ASB14: variants seen among roughly 807,000 people sequenced by gnomAD.
The protein encoded by ASB14 is ankyrin repeat and SOCS box containing 14, also known as ankyrin repeat and SOCS box protein 14.
Under a neutral mutation model 55.6 loss-of-function variants are expected in ASB14, and 63 were observed. The observed-to-expected ratio is 1.13, with a 90% CI of 0.92 to 1.40. The LOEUF (loss-of-function observed/expected upper bound fraction) is 1.40, where lower values mean the gene tolerates loss of function less well. Among genes scored for constraint, ASB14 ranks in the 40% most tolerant of loss-of-function variants. The probability of loss-of-function intolerance (pLI) is 0.00; values close to 1 mark genes in which losing one functional copy is unlikely to be tolerated. For synonymous variants in ASB14, 256 were observed against 259.9 expected, an observed-to-expected ratio of 0.98 and a Z score of 0.15; for missense variants, 724 against 710.4, an observed-to-expected ratio of 1.02 and a Z score of -0.22.
intron 6 of ASB14, among the ~76,000 whole-genome samples, chr3:57,281,844 T>C (rs1477113174): frequency 6.6e-6 from 1 of 152,072 alleles, no homozygotes; most frequent in Non-Finnish European, 1.5e-5. Flanking sequence ...CAATGCAGGG[T>C]GATAATGTGA....
chr3:57,287,841 C>A, intron 5 of ASB14, 60 bp downstream of exon 5: 1 of 1,502,186 alleles, frequency 6.7e-7, no homozygotes, highest in African/African-American at 1.4e-5. Context: ...CCTTTGAAAC[C>A]TGGGGGCATG....
At chr3:57,284,618 G>A (rs1050672427) in intron 5 of ASB14, among the ~76,000 whole-genome samples, 2 of 152,224 alleles carry the variant, frequency 1.3e-5, no homozygotes, top group African/African-American at 4.8e-5. Context: ...CTGAAGTGAA[G>A]AGAGGAAAAC....
At position 57,268,547 on chromosome 3, in the gene ASB14, A is replaced by ATGAC; in HGVS notation, c.*1090_*1093dup. On this transcript the variant is annotated 3_prime_UTR_variant, in exon 11 of 11. Transcript: ENST00000487349. Reference sequence around the variant, plus strand: ...GTTTGTGAAGACTTAATTCAGCACTATGACTTTCAGATTTGAATTTCCAAA... The same window carrying ATGAC: ...GTTTGTGAAGACTTAATTCAGCACTATGACTGACTTTCAGATTTGAATTTCCAAA... 1 of 1,481,434 alleles carries ATGAC rather than the reference A, an allele frequency of 6.8e-7. No individual in the cohort carries two copies. Among genetic ancestry groups the ATGAC allele is most frequent in the Non-Finnish European group, 9.0e-7 (1 of 1,115,864 alleles). The allele number at this position is 1,481,434 out of a possible 1,614,324, so 91.8% of individuals were successfully genotyped here. A position where few individuals can be genotyped will look rare whatever the true frequency, so the allele number is the denominator to read the frequency against.
chr3:57,283,882 ATGAC>A (rs2061058222), intron 5 of ASB14, among the ~76,000 whole-genome samples: 2 of 152,082 alleles, frequency 1.3e-5, no homozygotes, highest in Non-Finnish European at 2.9e-5. Flanking sequence ...CAGAAAATGA[ATGAC>A]TAAAACACAA....
chr3:57,279,275 T>A (rs866130042), intron 7 of ASB14, among the ~76,000 whole-genome samples: 18,849 of 138,424 alleles, frequency 0.14, 1,762 homozygotes, highest in East Asian at 0.47. Context: ...TTTTTTTTTT[T>A]TTTTTTTTTT....
Position 57,268,589 on chromosome 3 carries a change from C to T in ASB14, c.*1052G>A. The T allele has an allele frequency of 2.3e-6, 3 of 1,333,316 alleles. No homozygotes were observed. Among genetic ancestry groups the T allele is most frequent in the Non-Finnish European group, 3.0e-6 (3 of 1,004,976 alleles). 82.6% of individuals were successfully genotyped at this position (1,333,316 alleles called of 1,614,324 possible). On this transcript the variant is annotated 3_prime_UTR_variant, in exon 11 of 11. Transcript: ENST00000487349. Reference sequence around the variant, plus strand: ...ATTTCCAAATGAAGGGCTGTTTCTGCTTGTTCAGCCACTTCATAAACAGAT... The same window carrying T: ...ATTTCCAAATGAAGGGCTGTTTCTGTTTGTTCAGCCACTTCATAAACAGAT...
intron 9 of ASB14, among the ~76,000 whole-genome samples, chr3:57,277,181 C>T (rs1234618802): frequency 6.6e-6 from 1 of 150,570 alleles, no homozygotes; most frequent in African/African-American, 2.4e-5. Context: ...GCAGGAGAAT[C>T]GCTTGAACCC....
intron 5 of ASB14, among the ~76,000 whole-genome samples, chr3:57,284,122 G>A (rs968437868): frequency 4.6e-5 from 7 of 150,824 alleles, no homozygotes; most frequent in African/African-American, 1.7e-4. Flanking sequence ...GTGTGTGTGT[G>A]TGTATGTATG....
intron 10 of ASB14, chr3:57,270,335 CTTCAGTTCAAGAT>C (rs1025162571): frequency 4.6e-5 from 7 of 152,618 alleles, no homozygotes; most frequent in African/African-American, 1.7e-4. Flanking sequence ...GCTTAAGTGT[CTTCAGTTCAAGAT>C]TGATAGAGCC....
At chr3:57,281,997 G>T (rs1394216243) in intron 6 of ASB14, among the ~76,000 whole-genome samples, 1 of 152,128 alleles carries the variant, frequency 6.6e-6, no homozygotes, top group Non-Finnish European at 1.5e-5. Context: ...CAGGGTAAAG[G>T]ATTTAACATC....
rs1395590185 is a variant in ASB14, at chr3:57,291,971, T to C, written c.63A>G (p.Gln21=). 2.6e-6 allele frequency: 4 copies of C among 1,536,170 alleles called. No homozygotes were observed. The highest frequency in any genetic ancestry group is 1.4e-5 in the African/African-American group (1 of 73,026). Reference sequence around the variant, plus strand: ...GCTTATAAATATCCTGCAAACTCTGTTGAATGATGAGCTGGGTGTCAAAGT... The same window carrying C: ...GCTTATAAATATCCTGCAAACTCTGCTGAATGATGAGCTGGGTGTCAAAGT... ...DEDFDTQLII[Q]QSLQDIYKPG... is the part of the protein sequence containing the mutation. Residue 21 remains glutamine, a synonymous_variant, in exon 2 of 11, where the codon CAA becomes CAG. Transcript: ENST00000487349.
rs563536318 is a variant in ASB14 at position 57,276,469 on chromosome 3, G to A, written c.*22+59C>T. ...ATTGAGATTTTAGTTGGTGGGTAAA[G>A]CAAAAAATATGAATCATACATAAGT... On this transcript the variant is annotated intron_variant, in intron 10 of 10. Coordinates refer to ENST00000487349, the MANE Select transcript of ASB14 (RefSeq NM_001142733.3). 49 of 1,321,086 alleles carry A rather than the reference G, an allele frequency of 3.7e-5. No homozygotes were observed. The Middle Eastern group carries it at 6.4e-4, about 17-fold the overall frequency. 81.8% of individuals were successfully genotyped at this position (1,321,086 alleles called of 1,614,324 possible). A position where few individuals can be genotyped will look rare whatever the true frequency, so the allele number is the denominator to read the frequency against.
rs1212155985 is a variant in ASB14, at chr3:57,273,710, A to C, written c.*22+2818T>G. Reference sequence around the variant, plus strand: ...AAAAAGACTTCATTAATTGACGTATACTTGCTACTGTTTGGTCCTACTTAC... The same window carrying C: ...AAAAAGACTTCATTAATTGACGTATCCTTGCTACTGTTTGGTCCTACTTAC... On this transcript the variant is annotated intron_variant, in intron 10 of 10. Transcript: ENST00000487349. Among the ~76,000 whole-genome samples, 6 of 152,300 alleles carry C rather than the reference A, an allele frequency of 3.9e-5. No individual in the cohort carries two copies. In the East Asian group the frequency reaches 1.2e-3, roughly 29 times the overall value.
At position 57,268,961 on chromosome 3, in the gene ASB14, T is replaced by C. The variant is rs2060915127; in HGVS notation, c.*680A>G. ...AAAACTTGAAGAATGCATTAAATGATCCATGAAATTGTAAGAGCGTGTTAT... is the reference window on the plus strand; with the variant it reads ...AAAACTTGAAGAATGCATTAAATGACCCATGAAATTGTAAGAGCGTGTTAT... On this transcript the variant is annotated 3_prime_UTR_variant, in exon 11 of 11. Coordinates refer to ENST00000487349, the MANE Select transcript of ASB14 (RefSeq NM_001142733.3). 1 of 152,958 alleles carries C rather than the reference T, an allele frequency of 6.5e-6. No homozygotes were observed. The allele number at this position is 152,958 out of a possible 1,614,324, so 9.5% of individuals were successfully genotyped here.
intron 7 of ASB14, among the ~76,000 whole-genome samples, chr3:57,279,941 A>C (rs1374234313): frequency 6.6e-6 from 1 of 152,004 alleles, no homozygotes; most frequent in Admixed American, 6.6e-5. Context: ...TTAATTACTC[A>C]CACGATGTGC....
chr3:57,272,359 G>T (rs1178043211), intron 10 of ASB14: 1 of 152,062 alleles, frequency 6.6e-6, no homozygotes, highest in Non-Finnish European at 1.5e-5. Flanking sequence ...AATGATTATT[G>T]TTTAATTTCA....
chr3:57,283,536 C>T (rs2061055468), intron 5 of ASB14, 97 bp from the exon 6 acceptor site: 1 of 1,235,558 alleles, frequency 8.1e-7, no homozygotes, highest in Non-Finnish European at 1.1e-6. Flanking sequence ...AGGAGTTCTT[C>T]CCACCCACTC....
At chr3:57,279,930 G>A (rs2061025222) in intron 7 of ASB14, among the ~76,000 whole-genome samples, 1 of 152,124 alleles carries the variant, frequency 6.6e-6, no homozygotes, top group East Asian at 1.9e-4. Flanking sequence ...GGGGAACCGT[G>A]TTAATTACTC....
intron 2 of ASB14, among the ~76,000 whole-genome samples, chr3:57,290,333 C>T (rs867865672): frequency 3.9e-5 from 6 of 152,170 alleles, no homozygotes; most frequent in Non-Finnish European, 7.3e-5. Context: ...ATCTTCAAAG[C>T]CAGCATTGTT....
Sources: gnomAD v4.1 joint callset for allele counts (sites outside exome capture counted in the v4.1 genomes callset) on GRCh38, gnomAD v4.1.1 for gene constraint, MANE v1.5 for transcripts, NCBI Gene and HGNC (gene_info 2026-07-23, HGNC 2026-07-21) for gene names.